The following LRMDA variants were observed in gnomAD, a reference collection of about 807,000 sequenced individuals.
LRMDA encodes leucine rich melanocyte differentiation associated, also known as leucine-rich melanocyte differentiation-associated protein.
LRMDA carries 18 observed loss-of-function variants against 29.8 expected under a neutral mutation model. The ratio of observed to expected loss-of-function variants is 0.60; its 90% CI spans 0.42 to 0.90. The LOEUF is 0.90. Among genes scored for constraint, LRMDA ranks in the 40% least tolerant of loss-of-function variants. The pLI is 0.00. For missense variants in LRMDA, 273 were observed against 273.9 expected (o/e 1.00, Z 0.02); for synonymous variants, 125 against 109.4 (o/e 1.14, Z -0.89).
intron 6 of LRMDA, among the ~76,000 whole-genome samples, chr10:76,485,552 T>A (rs953528534): frequency 2.0e-5 from 3 of 151,930 alleles, no homozygotes; most frequent in Admixed American, 6.6e-5. Context: ...TCAATTAAAA[T>A]TTTTTAAAAA....
At chr10:76,157,938 G>C (rs375672742) in intron 5 of LRMDA, among the ~76,000 whole-genome samples, 4 of 151,868 alleles carry the variant, frequency 2.6e-5, no homozygotes, top group African/African-American at 7.3e-5. Context: ...ACAGAATACT[G>C]TAGGCAGTTG....
chr10:76,369,703 G>C (rs1841431051), intron 6 of LRMDA, among the ~76,000 whole-genome samples: 1 of 152,068 alleles, frequency 6.6e-6, no homozygotes, highest in African/African-American at 2.4e-5. Context: ...CCCTAAATCT[G>C]TTTTCCAGGG....
chr10:76,149,405 C>G (rs974808020), intron 5 of LRMDA, among the ~76,000 whole-genome samples: 2 of 152,150 alleles, frequency 1.3e-5, no homozygotes, highest in African/African-American at 4.8e-5. Flanking sequence ...ACATGAAAAC[C>G]TCATTTTTCA....
chr10:76,316,228 T>G (rs1290953902), intron 5 of LRMDA, among the ~76,000 whole-genome samples: 1 of 152,188 alleles, frequency 6.6e-6, no homozygotes, highest in Non-Finnish European at 1.5e-5. Context: ...GGCTCTGTGG[T>G]TCCTGGCGTC....
chr10:75,537,499 A>T (rs1488989219), intron 2 of LRMDA, among the ~76,000 whole-genome samples: 10 of 152,224 alleles, frequency 6.6e-5, no homozygotes. Context: ...CTGACTGTAC[A>T]GCTCTCAGCA....
chr10:75,834,699 A>C (rs1392262249), intron 2 of LRMDA, among the ~76,000 whole-genome samples: 1 of 152,204 alleles, frequency 6.6e-6, no homozygotes. Flanking sequence ...TAATGCTGCC[A>C]TTAAAAACTA....
chr10:76,485,615 T>TA (rs1472051275), intron 6 of LRMDA, among the ~76,000 whole-genome samples: 14 of 152,068 alleles, frequency 9.2e-5, no homozygotes, highest in African/African-American at 3.4e-4. Flanking sequence ...CCTTTCTTCA[T>TA]ATCTATCTGG....
intron 2 of LRMDA, among the ~76,000 whole-genome samples, chr10:75,765,069 A>T (rs1048652957): frequency 6.6e-6 from 1 of 151,996 alleles, no homozygotes; most frequent in South Asian, 2.1e-4. Flanking sequence ...AGACATGACT[A>T]TTGGGCCCCA....
chr10:75,920,810 A>G (rs1846013414), intron 2 of LRMDA, among the ~76,000 whole-genome samples: 1 of 152,074 alleles, frequency 6.6e-6, no homozygotes, highest in Admixed American at 6.6e-5. Context: ...GACTTGCTGC[A>G]CCCCCAGGAA....
chr10:75,968,215 C>A (rs1195476735), intron 2 of LRMDA, among the ~76,000 whole-genome samples: 1 of 151,918 alleles, frequency 6.6e-6, no homozygotes, highest in Non-Finnish European at 1.5e-5. Context: ...CTTGTGAGCC[C>A]CACTAGAGCT....
intron 2 of LRMDA, among the ~76,000 whole-genome samples, chr10:75,594,095 C>G (rs1320130388): frequency 1.3e-5 from 2 of 152,172 alleles, no homozygotes; most frequent in Non-Finnish European, 2.9e-5. Flanking sequence ...GGAAACCTGG[C>G]CACTCTTCTC....
intron 2 of LRMDA, among the ~76,000 whole-genome samples, chr10:76,016,359 T>A (rs990992660): frequency 1.2e-4 from 19 of 152,234 alleles, no homozygotes; most frequent in African/African-American, 4.3e-4. Flanking sequence ...TTTTTTTTTT[T>A]TAGTTTTGGT....
At chr10:75,872,774 A>C (rs972066857) in intron 2 of LRMDA, among the ~76,000 whole-genome samples, 1 of 152,142 alleles carries the variant, frequency 6.6e-6, no homozygotes, top group South Asian at 2.1e-4. Context: ...CATCTTTTTC[A>C]TAAAGCTTTT....
At chr10:76,040,478 G>A (rs999200188) in intron 3 of LRMDA, among the ~76,000 whole-genome samples, 4 of 151,976 alleles carry the variant, frequency 2.6e-5, no homozygotes, top group African/African-American at 9.7e-5. Flanking sequence ...CTCTTGGTTC[G>A]TAGGGATCTC....
chr10:75,723,052 G>C (rs1243343712), intron 2 of LRMDA, among the ~76,000 whole-genome samples: 1 of 152,224 alleles, frequency 6.6e-6, no homozygotes, highest in Admixed American at 6.5e-5. Flanking sequence ...TGAGAAACAC[G>C]ATGGGAAGTC....
intron 2 of LRMDA, among the ~76,000 whole-genome samples, chr10:75,565,279 TAG>T (rs1287633388): frequency 3.3e-5 from 5 of 152,294 alleles, no homozygotes; most frequent in Middle Eastern, 3.4e-3. Flanking sequence ...CCTTTAAGAA[TAG>T]AGTTTCCATT....
intron 6 of LRMDA, among the ~76,000 whole-genome samples, chr10:76,450,822 G>T (rs1187624625): frequency 6.6e-6 from 1 of 151,828 alleles, no homozygotes; most frequent in Non-Finnish European, 1.5e-5. Flanking sequence ...TTTTTCCTTT[G>T]ACACTCTGAT....
intron 6 of LRMDA, among the ~76,000 whole-genome samples, chr10:76,487,594 G>A (rs944756358): frequency 6.6e-6 from 1 of 151,840 alleles, no homozygotes; most frequent in Admixed American, 6.6e-5. Flanking sequence ...TGGCATGTCT[G>A]TATGGGGTTT....
intron 2 of LRMDA, among the ~76,000 whole-genome samples, chr10:75,800,555 A>G (rs548371332): frequency 6.6e-6 from 1 of 151,610 alleles, no homozygotes; most frequent in African/African-American, 2.4e-5. Flanking sequence ...CTTCAAGTGA[A>G]TTTTTCATTT....
Sources: allele counts gnomAD v4.1 joint callset (sites outside exome capture counted in the v4.1 genomes callset), GRCh38; gene constraint gnomAD v4.1.1; transcripts MANE v1.5; gene names NCBI Gene and HGNC (gene_info 2026-07-23, HGNC 2026-07-21).